Variants in CSMD2 observed in about 807,000 individuals in gnomAD.
CSMD2 encodes CUB and sushi domain-containing protein 2.
CSMD2 carries 130 observed loss-of-function variants against 398.5 expected under a neutral mutation model. The ratio of observed to expected loss-of-function variants is 0.33; its 90% CI spans 0.28 to 0.38. The LOEUF is 0.38. CSMD2 is among the 10% of genes least tolerant of loss of function. The pLI is 1.00. For missense variants in CSMD2, 3,829 were observed against 4,764.9 expected, an observed-to-expected ratio of 0.80 and a Z score of 5.78; for synonymous variants, 1,828 against 1,908.5, an observed-to-expected ratio of 0.96 and a Z score of 1.10.
chr1:33,678,478 C>T (rs771110531), intron 25 of CSMD2, among the ~76,000 whole-genome samples: 6 of 152,062 alleles, frequency 3.9e-5, no homozygotes, highest in Non-Finnish European at 8.8e-5. Context: ...ACAATAAACC[C>T]ATCGCTGATG....
intron 13 of CSMD2, chr1:33,771,962 G>C (rs1409379430): frequency 6.6e-6 from 1 of 152,270 alleles, no homozygotes; most frequent in African/African-American, 2.4e-5. Flanking sequence ...TGCAAAGTAT[G>C]GTCAGGTCAT....
intron 55 of CSMD2, among the ~76,000 whole-genome samples, chr1:33,550,936 C>G (rs919582169): frequency 9.9e-5 from 15 of 152,196 alleles, no homozygotes; most frequent in Non-Finnish European, 2.1e-4. Flanking sequence ...TTCAACATTA[C>G]TGGGGCTGGT....
At chr1:33,663,368 G>C (rs952955834) in intron 25 of CSMD2, among the ~76,000 whole-genome samples, 8 of 152,080 alleles carry the variant, frequency 5.3e-5, no homozygotes, top group African/African-American at 1.9e-4. Context: ...GCCATTGTCA[G>C]ACTGCATCCC....
At chr1:34,165,324 G>C (rs982894863), upstream of CSMD2, 3 of 1,199,588 alleles carry the variant, frequency 2.5e-6, no homozygotes, top group Non-Finnish European at 1.0e-6. Context: ...CCGGGGGGCG[G>C]GAGGGGGTGA....
At chr1:33,688,654 G>A (rs573966374) in intron 25 of CSMD2, among the ~76,000 whole-genome samples, 108 of 152,006 alleles carry the variant, frequency 7.1e-4, no homozygotes, top group Non-Finnish European at 1.4e-3. Flanking sequence ...GTGAAACCCT[G>A]TCTCTACAAA....
chr1:34,153,923 A>G (rs1291297770), intron 1 of CSMD2, among the ~76,000 whole-genome samples: 3 of 152,236 alleles, frequency 2.0e-5, no homozygotes, highest in African/African-American at 7.2e-5. Flanking sequence ...TTTCTGTCCA[A>G]CGAAAGCTGC....
intron 3 of CSMD2, among the ~76,000 whole-genome samples, chr1:33,974,174 G>A (rs1325361126): frequency 6.6e-6 from 1 of 152,144 alleles, no homozygotes; most frequent in Admixed American, 6.5e-5. Context: ...TCTCTCCCTT[G>A]GCAAACATCC....
chr1:33,684,542 A>G (rs964872448), intron 25 of CSMD2, among the ~76,000 whole-genome samples: 1 of 152,168 alleles, frequency 6.6e-6, no homozygotes, highest in Admixed American at 6.5e-5. Flanking sequence ...AGTTCTTTTG[A>G]ATATAACCAG....
intron 10 of CSMD2, among the ~76,000 whole-genome samples, chr1:33,805,352 TAC>T (rs1281198976): frequency 6.6e-6 from 1 of 152,210 alleles, no homozygotes; most frequent in Admixed American, 6.5e-5. Flanking sequence ...ATTAACTAGG[TAC>T]ATCATGAAAT....
chr1:34,152,744 T>A (rs1279373963), intron 1 of CSMD2, among the ~76,000 whole-genome samples: 2 of 152,170 alleles, frequency 1.3e-5, no homozygotes, highest in South Asian at 4.1e-4. Context: ...AAGTGTGCAA[T>A]CTGAACCACT....
At chr1:34,146,652 A>G (rs1297746178) in intron 1 of CSMD2, among the ~76,000 whole-genome samples, 3 of 152,210 alleles carry the variant, frequency 2.0e-5, no homozygotes, top group Admixed American at 1.3e-4. Context: ...AGTAAAATCC[A>G]TAAGATGTGG....
At position 33,557,725 on chromosome 1, in the gene CSMD2, T is replaced by A; in HGVS notation, c.8743+9A>T. On this transcript the variant is annotated intron_variant, in intron 55 of 70. Transcript: ENST00000373381. ...CATCAGTCATTTTGAGCAGGTGACA[T>A]CTACTTACAGAGACACTGGGGGCGG... 3 of 1,534,956 alleles carry A rather than the reference T, an allele frequency of 2.0e-6. 1 individual carries two copies. In the South Asian group the frequency reaches 3.6e-5, roughly 18 times the overall value.
intron 2 of CSMD2, among the ~76,000 whole-genome samples, chr1:34,085,943 A>G (rs1488355595): frequency 6.6e-6 from 1 of 151,074 alleles, no homozygotes; most frequent in East Asian, 1.9e-4. Flanking sequence ...GTGTTTCTGT[A>G]TGTCAATCTC....
At chr1:33,734,291 A>G (rs1646813202) in intron 15 of CSMD2, among the ~76,000 whole-genome samples, 1 of 152,204 alleles carries the variant, frequency 6.6e-6, no homozygotes, top group African/African-American at 2.4e-5. Flanking sequence ...GGACTGGGAA[A>G]TGAGCATTTC....
chr1:33,574,978 C>T (rs541143990), intron 49 of CSMD2, among the ~76,000 whole-genome samples: 9 of 152,338 alleles, frequency 5.9e-5, no homozygotes, highest in Non-Finnish European at 1.2e-4. Context: ...GCAGCCACTT[C>T]TCACAGGCCC....
chr1:33,762,036 G>A (rs1332180932), intron 13 of CSMD2, among the ~76,000 whole-genome samples: 1 of 152,180 alleles, frequency 6.6e-6, no homozygotes, highest in Non-Finnish European at 1.5e-5. Context: ...ACACAAGAGG[G>A]GGTAACCCAA....
chr1:34,140,434 T>C (rs984026905), intron 1 of CSMD2, among the ~76,000 whole-genome samples: 3 of 151,900 alleles, frequency 2.0e-5, no homozygotes, highest in Admixed American at 2.0e-4. Flanking sequence ...GCCTGGCAAA[T>C]GTCTAGAGAA....
chr1:33,828,538 G>A (rs1014278697), intron 6 of CSMD2, among the ~76,000 whole-genome samples: 1 of 152,174 alleles, frequency 6.6e-6, no homozygotes, highest in Non-Finnish European at 1.5e-5. Flanking sequence ...TAGAGGAAGG[G>A]GAATGAGGAA....
chr1:33,735,829 A>G (rs1037398611), intron 15 of CSMD2, among the ~76,000 whole-genome samples: 6 of 152,216 alleles, frequency 3.9e-5, no homozygotes, highest in African/African-American at 1.4e-4. Context: ...ATCAAAAACA[A>G]AACTAGAAAA....
Sources: allele counts gnomAD v4.1 joint callset (sites outside exome capture counted in the v4.1 genomes callset), GRCh38; gene constraint gnomAD v4.1.1; transcripts MANE v1.5; gene names NCBI Gene and HGNC (gene_info 2026-07-23, HGNC 2026-07-21).